HAO1: variants seen among roughly 807,000 people sequenced by gnomAD.
HAO1 encodes the protein 2-Hydroxyacid oxidase 1.
A neutral mutation model predicts 39.7 loss-of-function variants in HAO1; 34 were observed. The observed-to-expected ratio is 0.86, with a 90% CI of 0.65 to 1.14. The LOEUF (loss-of-function observed/expected upper bound fraction) is 1.14. HAO1 is among the 50% of genes most tolerant of loss of function. The pLI is 0.00. For missense variants in HAO1, 479 were observed against 464.5 expected (o/e 1.03, Z -0.29); for synonymous variants, 172 against 173.2 (o/e 0.99, Z 0.05).
intron 1 of HAO1, among the ~76,000 whole-genome samples, chr20:7,935,712 C>T (rs535891945): frequency 2.6e-5 from 4 of 152,136 alleles, no homozygotes; most frequent in Admixed American, 1.3e-4. Flanking sequence ...ACCAATAAAC[C>T]AGCAACCAAA....
Position 7,940,455 on chromosome 20 carries a change from C to T in HAO1, c.-33G>A, listed in dbSNP as rs141102234. 13 of 1,532,142 alleles carry T rather than the reference C, an allele frequency of 8.5e-6. No homozygotes were observed. Among genetic ancestry groups the T allele is most frequent in the South Asian group, 6.2e-5 (5 of 81,100 alleles). The allele number at this position is 1,532,142 out of a possible 1,614,324, so 94.9% of individuals were successfully genotyped here. On this transcript the variant is annotated 5_prime_UTR_variant, in exon 1 of 8. Coordinates refer to ENST00000378789, the MANE Select transcript of HAO1 (RefSeq NM_017545.3). Reference sequence around the variant, plus strand: ...GGTTATTGCTATCCCAGATGGAGTTCGTTGTTTTTTTTTTTTTAATGTATT... The same window carrying T: ...GGTTATTGCTATCCCAGATGGAGTTTGTTGTTTTTTTTTTTTTAATGTATT...
chr20:7,899,157 C>T (rs572566330), intron 4 of HAO1, among the ~76,000 whole-genome samples: 1 of 151,814 alleles, frequency 6.6e-6, no homozygotes, highest in South Asian at 2.1e-4. Context: ...ATCAGTCCAC[C>T]CGGACTTAAA....
chr20:7,912,323 G>C (rs1373084328), intron 3 of HAO1, among the ~76,000 whole-genome samples: 2 of 152,136 alleles, frequency 1.3e-5, no homozygotes, highest in Non-Finnish European at 2.9e-5. Flanking sequence ...ATTAACAACT[G>C]TGTCATCTGC....
At chr20:7,923,068 C>G (rs2050342244) in intron 2 of HAO1, among the ~76,000 whole-genome samples, 1 of 152,028 alleles carries the variant, frequency 6.6e-6, no homozygotes, top group Admixed American at 6.6e-5. Flanking sequence ...GTAAGTGTAG[C>G]TCGACCTTTC....
rs114855402 is a variant in HAO1 at position 7,896,911 on chromosome 20, G to C, written c.722-1687C>G. ...AGACATAATGTCTGCCTTCAGCTTT[G>C]AGTTTGCTCTTCTTCTGTCTGAGTT... On this transcript the variant is annotated intron_variant, in intron 4 of 7. Coordinates refer to ENST00000378789, the MANE Select transcript of HAO1 (RefSeq NM_017545.3). Among the ~76,000 whole-genome samples the C allele has an allele frequency of 7.1e-3, 1,075 of 152,200 alleles. 16 individuals carry two copies. Among genetic ancestry groups the C allele is most frequent in the African/African-American group, 0.025 (1,023 of 41,538 alleles).
chr20:7,930,511 A>C (rs1483878340), intron 2 of HAO1, among the ~76,000 whole-genome samples: 1 of 152,220 alleles, frequency 6.6e-6, no homozygotes, highest in East Asian at 1.9e-4. Flanking sequence ...GAAGCCAAAA[A>C]TGACACAGAG....
intron 2 of HAO1, among the ~76,000 whole-genome samples, chr20:7,931,650 G>A (rs1400631269): frequency 1.3e-5 from 2 of 152,046 alleles, no homozygotes; most frequent in African/African-American, 4.8e-5. Flanking sequence ...TAAATCTAAG[G>A]GGATAAGACT....
intron 7 of HAO1, among the ~76,000 whole-genome samples, chr20:7,884,384 A>G (rs922358214): frequency 6.6e-6 from 1 of 152,206 alleles, no homozygotes; most frequent in African/African-American, 2.4e-5. Flanking sequence ...ATGATAGCTG[A>G]TATATAGGAG....
At chr20:7,923,793 G>A (rs1459001339) in intron 2 of HAO1, among the ~76,000 whole-genome samples, 1 of 152,150 alleles carries the variant, frequency 6.6e-6, no homozygotes, top group Non-Finnish European at 1.5e-5. Flanking sequence ...TTTCTAACAA[G>A]CTCCAGAGTC....
At chr20:7,898,087 C>T (rs2050205465) in intron 4 of HAO1, among the ~76,000 whole-genome samples, 1 of 152,146 alleles carries the variant, frequency 6.6e-6, no homozygotes, top group Non-Finnish European at 1.5e-5. Flanking sequence ...TAGAAAGGAT[C>T]AGCTACTTTC....
At chr20:7,922,995 G>A (rs1294293242) in intron 2 of HAO1, among the ~76,000 whole-genome samples, 1 of 152,056 alleles carries the variant, frequency 6.6e-6, no homozygotes, top group Non-Finnish European at 1.5e-5. Flanking sequence ...ATTTCTATTA[G>A]AGTTAAATCA....
At chr20:7,924,223 G>GTTTGT (rs1555774936) in intron 2 of HAO1, among the ~76,000 whole-genome samples, 2,619 of 149,922 alleles carry the variant, frequency 0.017, 28 homozygotes, top group South Asian at 0.033. Context: ...TGTTGTTGTT[G>GTTTGT]TTGTTTGTTT....
intron 2 of HAO1, among the ~76,000 whole-genome samples, chr20:7,925,546 A>G (rs907706111): frequency 1.3e-5 from 2 of 152,134 alleles, no homozygotes; most frequent in African/African-American, 2.4e-5. Context: ...TTATTCTGTC[A>G]TTTTACTGAA....
At chr20:7,895,280 GT>G in intron 4 of HAO1, 56 bp from the exon 5 acceptor site, 1 of 1,086,476 alleles carries the variant, frequency 9.2e-7, no homozygotes, top group Non-Finnish European at 1.4e-6. Context: ...GGCAGCTTGG[GT>G]TTAGAGGCCT....
At chr20:7,917,150 A>G (rs2050310565) in intron 2 of HAO1, among the ~76,000 whole-genome samples, 2 of 151,988 alleles carry the variant, frequency 1.3e-5, no homozygotes, top group South Asian at 2.1e-4. Flanking sequence ...GACCAGCCTG[A>G]TCAACATGAT....
At chr20:7,929,731 G>A (rs925820139) in intron 2 of HAO1, among the ~76,000 whole-genome samples, 2 of 152,112 alleles carry the variant, frequency 1.3e-5, no homozygotes, top group Non-Finnish European at 2.9e-5. Context: ...AGCCGTCGCG[G>A]TGCGTGCCTA....
chr20:7,899,727 A>G (rs1361403092), intron 4 of HAO1, among the ~76,000 whole-genome samples: 1 of 152,176 alleles, frequency 6.6e-6, no homozygotes, highest in Non-Finnish European at 1.5e-5. Flanking sequence ...CCACAGTTTT[A>G]CAATTTATTT....
chr20:7,921,637 A>C (rs920162881), intron 2 of HAO1, among the ~76,000 whole-genome samples: 4 of 152,138 alleles, frequency 2.6e-5, no homozygotes, highest in African/African-American at 9.7e-5. Context: ...TCATTCTACC[A>C]AAGAGACACG....
rs2050400019 is a variant in HAO1, at chr20:7,934,384, T to G, written c.289+100A>C. 4.9e-6 allele frequency: 4 copies of G among 811,608 alleles called. 1 individual carries two copies. The Admixed American group carries it at 1.1e-4, about 21-fold the overall frequency. 50.3% of individuals were successfully genotyped at this position (811,608 alleles called of 1,614,324 possible). A position where few individuals can be genotyped will look rare whatever the true frequency, so the allele number is the denominator to read the frequency against. ...AGTCCATGAGCTTAATGTTTCTGAG[T>G]GTAAAAACATCAAGGAACATATTTG... On this transcript the variant is annotated intron_variant, in intron 2 of 7. Transcript: ENST00000378789.
Sources: allele counts gnomAD v4.1 joint callset (sites outside exome capture counted in the v4.1 genomes callset), GRCh38; gene constraint gnomAD v4.1.1; transcripts MANE v1.5; gene names NCBI Gene and HGNC (gene_info 2026-07-23, HGNC 2026-07-21).